The following CCNJL variants were observed in gnomAD, a reference collection of about 807,000 sequenced individuals.
CCNJL encodes cyclin-J-like protein.
CCNJL carries 33 observed loss-of-function variants against 33.4 expected under a neutral mutation model. That is an observed-to-expected ratio of 0.99 (90% confidence interval 0.75 to 1.32). The LOEUF (loss-of-function observed/expected upper bound fraction) is 1.32, where lower values mean the gene tolerates loss of function less well. Among genes scored for constraint, CCNJL ranks in the 40% most tolerant of loss-of-function variants. The pLI, the probability that CCNJL is intolerant of heterozygous loss-of-function variation, is 0.00. For synonymous variants in CCNJL, 227 were observed against 220.9 expected (o/e 1.03, Z -0.24); for missense variants, 512 against 499.7 (o/e 1.02, Z -0.23).
chr5:160,325,162 G>A (rs1763519728), intron 1 of CCNJL, among the ~76,000 whole-genome samples: 1 of 152,166 alleles, frequency 6.6e-6, no homozygotes, highest in Non-Finnish European at 1.5e-5. Context: ...GCTAGAAATT[G>A]GGCATGTTGG....
Position 160,251,192 on chromosome 5 carries a change from G to A in CCNJL, c.*2186C>T, listed in dbSNP as rs367779025. The stretch of plus-strand genomic sequence containing the variant: ...AAAGGTCGTAAGAGCAAAGATTGAG[G>A]TTTCCTGGAGAATAAATTTTGCCTC... On this transcript the variant is annotated 3_prime_UTR_variant, in exon 6 of 6. Coordinates refer to ENST00000257536, the MANE Select transcript of CCNJL (RefSeq NM_001308173.3). 1 of 152,340 alleles carries A rather than the reference G, an allele frequency of 6.6e-6. No homozygotes were observed. The highest frequency in any genetic ancestry group is 2.4e-5 in the African/African-American group (1 of 41,580). The allele number at this position is 152,340 out of a possible 1,614,324, so 9.4% of individuals were successfully genotyped here.
intron 3 of CCNJL, among the ~76,000 whole-genome samples, chr5:160,279,691 A>G (rs1480129626): frequency 6.6e-6 from 1 of 152,208 alleles, no homozygotes; most frequent in Non-Finnish European, 1.5e-5. Context: ...CAATCCAGGT[A>G]GAGGGAACAG....
chr5:160,256,909 C>G (rs1355063200), intron 4 of CCNJL, among the ~76,000 whole-genome samples: 1 of 151,232 alleles, frequency 6.6e-6, no homozygotes, highest in Non-Finnish European at 1.5e-5. Flanking sequence ...CAGGGCAAGA[C>G]TTCATCTCAA....
chr5:160,269,502 G>A (rs1031868006), intron 3 of CCNJL: 8 of 456,370 alleles, frequency 1.8e-5, no homozygotes, highest in Admixed American at 1.4e-4. Flanking sequence ...GCACTGCTGC[G>A]CTGAACGTGT....
chr5:160,255,570 G>T lies in CCNJL; in HGVS notation c.722C>A (p.Thr241Lys), dbSNP rs563828375. The part of the protein sequence containing the change: ...ISSYSLEHLS[T>K]CIEILLVVYD... ...TTACACCAGCAGGATTTCAATACAC[G>T]TGCTGAGGTGCTCCAGGGAATAGCT... is the stretch of plus-strand genomic sequence containing the variant. The change falls in exon 5 of 6, where the codon ACG (threonine) becomes AAG (lysine). Residue 241 changes from threonine (T) to lysine (K), a missense_variant. By Grantham distance (78) the Thr-to-Lys change is moderately conservative (BLOSUM62 -1). Transcript: ENST00000257536. 1 of 1,614,120 alleles carries T rather than the reference G, an allele frequency of 6.2e-7. No homozygotes were observed.
chr5:160,307,574 A>G (rs1333082318), intron 2 of CCNJL, among the ~76,000 whole-genome samples: 1 of 152,228 alleles, frequency 6.6e-6, no homozygotes, highest in East Asian at 1.9e-4. Context: ...GACCTGGCAC[A>G]GACTTGGTTA....
intron 2 of CCNJL, among the ~76,000 whole-genome samples, chr5:160,282,981 A>G (rs1420562615): frequency 7.2e-5 from 4 of 55,340 alleles, no homozygotes; most frequent in South Asian, 1.7e-3. Flanking sequence ...ATATATATAT[A>G]TATATATATA....
chr5:160,321,222 T>A (rs765444767), intron 1 of CCNJL, among the ~76,000 whole-genome samples: 3 of 151,610 alleles, frequency 2.0e-5, no homozygotes, highest in Non-Finnish European at 4.4e-5. Flanking sequence ...CAGGGAACAA[T>A]GGGATAAGAG....
chr5:160,311,373 C>T (rs1763255341), intron 2 of CCNJL, among the ~76,000 whole-genome samples: 1 of 152,072 alleles, frequency 6.6e-6, no homozygotes, highest in African/African-American at 2.4e-5. Flanking sequence ...CCCTGTACTA[C>T]CACTTATCTT....
At chr5:160,282,992 T>TATATATATATATATATAC (rs1165919330) in intron 2 of CCNJL, among the ~76,000 whole-genome samples, 1 of 60,268 alleles carries the variant, frequency 1.7e-5, no homozygotes, top group Non-Finnish European at 3.0e-5. Flanking sequence ...TATATATATA[T>TATATATATATATATATAC]ATATATATAT....
intron 1 of CCNJL, among the ~76,000 whole-genome samples, chr5:160,336,130 C>A (rs1037782019): frequency 6.6e-6 from 1 of 152,198 alleles, no homozygotes; most frequent in Non-Finnish European, 1.5e-5. Flanking sequence ...TATCGTCAGT[C>A]CAGAACTCTT....
chr5:160,255,646 T>C lies in CCNJL; in HGVS notation c.646A>G (p.Ile216Val). ...VAAACVGASRICLQLSPYWTR... is the reference protein window; with the variant it reads ...VAAACVGASRVCLQLSPYWTR... ...CAGTAGGGAGAAAGCTGCAGGCAAA[T>C]CCTGGAGGCCCCAACACAGGCCGCA... Residue 216 changes from isoleucine to valine, a missense_variant, in exon 5 of 6, where the codon ATT becomes GTT. Coordinates refer to ENST00000257536, the MANE Select transcript of CCNJL (RefSeq NM_001308173.3). 3 of 1,614,044 alleles carry C rather than the reference T, an allele frequency of 1.9e-6. No individual in the cohort carries two copies. The highest frequency in any genetic ancestry group is 1.3e-5 in the African/African-American group (1 of 75,018).
At chr5:160,276,285 T>C (rs1762005573) in intron 3 of CCNJL, 1 of 108,572 alleles carries the variant, frequency 9.2e-6, no homozygotes, top group Admixed American at 1.1e-4. Flanking sequence ...TCTCAGCTAC[T>C]TGGGGCGGTG....
At chr5:160,297,663 A>C (rs1459847020) in intron 2 of CCNJL, among the ~76,000 whole-genome samples, 3 of 152,176 alleles carry the variant, frequency 2.0e-5, no homozygotes, top group African/African-American at 2.4e-5. Flanking sequence ...ACAAAAAAAA[A>C]AAAAAAAAAC....
At chr5:160,316,686 C>T (rs1167374317), upstream of CCNJL, among the ~76,000 whole-genome samples, 1 of 152,202 alleles carries the variant, frequency 6.6e-6, no homozygotes, top group African/African-American at 2.4e-5. Context: ...GCCTTTTTCT[C>T]CTTTTACATG....
intron 4 of CCNJL, among the ~76,000 whole-genome samples, chr5:160,256,643 C>T (rs1034550381): frequency 7.9e-5 from 12 of 152,122 alleles, no homozygotes; most frequent in Non-Finnish European, 4.4e-5. Context: ...TTTTGCTGGG[C>T]GCAGTGGCTC....
rs200043468 is a variant in CCNJL at position 160,249,765 on chromosome 5, A to AAAATAAATAAATAAAT, written c.*3597_*3612dup. On this transcript the variant is annotated 3_prime_UTR_variant, in exon 6 of 6. Transcript: ENST00000257536. The stretch of plus-strand genomic sequence containing the variant: ...GCCACAGAGTGAGACCCTGTTTCAA[A>AAAATAAATAAATAAAT]AAATAAATAAATAAATAAATAAATA... 6.8e-6 allele frequency: 1 copy of AAAATAAATAAATAAAT among 146,334 alleles called. No individual in the cohort carries two copies. The highest frequency in any genetic ancestry group is 1.5e-5 in the Non-Finnish European group (1 of 66,856). The allele number at this position is 146,334 out of a possible 1,614,324, so 9.1% of individuals were successfully genotyped here.
chr5:160,338,460 T>G, intron 1 of CCNJL, among the ~76,000 whole-genome samples: 1 of 151,550 alleles, frequency 6.6e-6, no homozygotes, highest in African/African-American at 2.4e-5. Flanking sequence ...ATCTTCATTT[T>G]ACACTAAAGG....
rs573314806 is a variant in CCNJL at position 160,263,030 on chromosome 5, C to T, written c.281-3259G>A. Among the ~76,000 whole-genome samples, 3 of 152,332 alleles carry T rather than the reference C, an allele frequency of 2.0e-5. No homozygotes were observed. The South Asian group carries it at 6.2e-4, about 32-fold the overall frequency. ...ACAATAGCCATGGAATCTCTGACTT[C>T]TCTGATGCACTTTTGATTTCGAAAA... On this transcript the variant is annotated intron_variant, in intron 3 of 5. Coordinates refer to ENST00000257536, the MANE Select transcript of CCNJL (RefSeq NM_001308173.3).
Sources: gnomAD v4.1 joint callset for allele counts (sites outside exome capture counted in the v4.1 genomes callset) on GRCh38, gnomAD v4.1.1 for gene constraint, MANE v1.5 for transcripts, NCBI Gene and HGNC (gene_info 2026-07-23, HGNC 2026-07-21) for gene names.